BORA: variants seen among roughly 807,000 people sequenced by gnomAD.
BORA encodes the protein BORA aurora kinase A activator.
A neutral mutation model predicts 55.8 loss-of-function variants in BORA; 26 were observed. The observed-to-expected ratio is 0.47, with a 90% CI of 0.34 to 0.65. The LOEUF (loss-of-function observed/expected upper bound fraction) is 0.65. BORA is among the 30% of genes least tolerant of loss of function. The probability of loss-of-function intolerance (pLI) is 0.01; values close to 1 mark genes in which losing one functional copy is unlikely to be tolerated. For synonymous variants in BORA, 201 were observed against 216.9 expected (o/e 0.93, Z 0.64); for missense variants, 568 against 671.5 (o/e 0.85, Z 1.70).
At position 72,731,207 on chromosome 13, in the gene BORA, T is replaced by G. The variant is rs920133819; in HGVS notation, c.154-74T>G. 3 of 854,604 alleles carry G rather than the reference T, an allele frequency of 3.5e-6. No homozygotes were observed. The African/African-American group carries it at 5.2e-5, about 15-fold the overall frequency. 52.9% of individuals were successfully genotyped at this position (854,604 alleles called of 1,614,324 possible). On this transcript the variant is annotated intron_variant, in intron 2 of 11. Transcript: ENST00000390667. The stretch of plus-strand genomic sequence containing the variant: ...TTCATATTATAACCATTCATATTAT[T>G]TCTCACATAGGTTAGCATTTTGATG...
chr13:72,729,022 C>T lies in BORA; in HGVS notation c.82C>T (p.Pro28Ser), dbSNP rs142135071. ...CCCTGTTTTAAATCCTTTTGAAAGTCCTAGTGATTATTCTAATCTCCATGA... is the reference window on the plus strand; with the variant it reads ...CCCTGTTTTAAATCCTTTTGAAAGTTCTAGTGATTATTCTAATCTCCATGA... ...RIPVLNPFES[P>S]SDYSNLHEQT... The change falls in exon 2 of 12, where the codon CCT becomes TCT. Residue 28 changes from proline (P) to serine (S), a missense_variant. Pro to Ser is a moderately conservative substitution (Grantham distance 74). Coordinates refer to ENST00000390667, the MANE Select transcript of BORA (RefSeq NM_024808.5). 92 of 1,606,248 alleles carry T rather than the reference C, an allele frequency of 5.7e-5. No homozygotes were observed. In the East Asian group the frequency reaches 1.6e-3, roughly 28 times the overall value.
chr13:72,745,730 CAAT>C (rs2033126600), intron 8 of BORA, among the ~76,000 whole-genome samples: 1 of 152,134 alleles, frequency 6.6e-6, no homozygotes, highest in Non-Finnish European at 1.5e-5. Flanking sequence ...TGTTCAAATA[CAAT>C]GTGTTTATAT....
intron 5 of BORA, 63 bp from the exon 6 acceptor site, chr13:72,743,474 A>T: frequency 8.2e-7 from 1 of 1,213,772 alleles, no homozygotes; most frequent in Non-Finnish European, 1.1e-6. Context: ...ACTTTGGAAA[A>T]AGTAATGCTA....
At chr13:72,728,553 T>TA (rs895711649) in intron 1 of BORA, among the ~76,000 whole-genome samples, 2 of 152,072 alleles carry the variant, frequency 1.3e-5, no homozygotes, top group East Asian at 1.9e-4. Flanking sequence ...ATGATGAATT[T>TA]AAAAAAAATT....
rs1362412281 is a variant in BORA, at chr13:72,742,792, ACACACACAC to A, written c.389-744_389-736del. Among the ~76,000 whole-genome samples the A allele has an allele frequency of 9.4e-4, 142 of 150,472 alleles. No individual in the cohort carries two copies. In the Middle Eastern group the frequency reaches 0.017, roughly 18 times the overall value. On this transcript the variant is annotated intron_variant, in intron 5 of 11. Coordinates refer to ENST00000390667, the MANE Select transcript of BORA (RefSeq NM_024808.5). The stretch of plus-strand genomic sequence containing the variant: ...TACACACACACACACACACACACAC[ACACACACAC>A]ACACACACACAAAATGGAATACTAT...
Position 72,755,822 on chromosome 13 carries a change from C to A in BORA, c.*606C>A. 1 of 398,560 alleles carries A rather than the reference C, an allele frequency of 2.5e-6. No homozygotes were observed. Among genetic ancestry groups the A allele is most frequent in the Non-Finnish European group, 4.4e-6 (1 of 226,060 alleles). The allele number at this position is 398,560 out of a possible 1,614,324, so 24.7% of individuals were successfully genotyped here. On this transcript the variant is annotated 3_prime_UTR_variant, in exon 12 of 12. Transcript: ENST00000390667. ...AATACTAGAAAGGTAGTACTAGTGA[C>A]ATCATCACGTGTATTGTTATCTATG...
At chr13:72,746,121 A>G in intron 9 of BORA, 45 bp downstream of exon 9, 1 of 1,496,486 alleles carries the variant, frequency 6.7e-7, no homozygotes, top group Non-Finnish European at 9.2e-7. Context: ...TTATACTATC[A>G]ATATTTGTTA....
At chr13:72,753,995 C>T (rs1207777985) in intron 11 of BORA, 174 bp downstream of exon 11, 2 of 635,348 alleles carry the variant, frequency 3.1e-6, no homozygotes, top group Non-Finnish European at 5.2e-6. Context: ...TCTGAATACA[C>T]AAGTATCTTA....
intron 1 of BORA, 77 bp downstream of exon 1, chr13:72,728,084 C>T (rs1164415331): frequency 5.2e-6 from 8 of 1,536,250 alleles, no homozygotes; most frequent in African/African-American, 2.7e-5. Flanking sequence ...TCCTGACTTG[C>T]CTGCCCGCTC....
chr13:72,730,669 G>A (rs2032792014), intron 2 of BORA, among the ~76,000 whole-genome samples: 1 of 152,136 alleles, frequency 6.6e-6, no homozygotes. Context: ...TCACACTGAT[G>A]AGTGTTAATT....
intron 4 of BORA, among the ~76,000 whole-genome samples, chr13:72,737,174 T>G (rs2032947630): frequency 6.6e-6 from 1 of 152,162 alleles, no homozygotes; most frequent in African/African-American, 2.4e-5. Flanking sequence ...CTATCTCATT[T>G]GAATATACTG....
chr13:72,753,606 A>G (rs1181398581), intron 10 of BORA, 84 bp from the exon 11 acceptor site: 2 of 1,367,674 alleles, frequency 1.5e-6, no homozygotes, highest in Non-Finnish European at 2.0e-6. Context: ...GATGTAGTGA[A>G]TGAGAGTTTA....
chr13:72,729,166 A>G (rs944463689), intron 2 of BORA, 73 bp downstream of exon 2: 1 of 1,259,604 alleles, frequency 7.9e-7, no homozygotes. Flanking sequence ...AAATGTAAAC[A>G]TCTGTCTTTA....
intron 3 of BORA, among the ~76,000 whole-genome samples, 166 bp downstream of exon 3, chr13:72,731,553 A>G (rs2032817148): frequency 6.6e-6 from 1 of 152,240 alleles, no homozygotes; most frequent in South Asian, 2.1e-4. Context: ...ACATTCAGAA[A>G]GATTTTCTTG....
At chr13:72,753,394 C>CTAGG in intron 10 of BORA, 1 of 217,488 alleles carries the variant, frequency 4.6e-6, no homozygotes, top group East Asian at 1.1e-4. Flanking sequence ...TTTTTGTCTA[C>CTAGG]TAGGTACGAT....
chr13:72,738,527 G>A (rs928831893), intron 5 of BORA, among the ~76,000 whole-genome samples: 4 of 152,138 alleles, frequency 2.6e-5, no homozygotes, highest in African/African-American at 7.2e-5. Context: ...TAAAGGGCAA[G>A]CCAGTAAGCT....
At chr13:72,742,535 G>C (rs1315522274) in intron 5 of BORA, among the ~76,000 whole-genome samples, 2 of 151,634 alleles carry the variant, frequency 1.3e-5, no homozygotes, top group African/African-American at 4.9e-5. Context: ...ACCTTTTAAG[G>C]TTGACGTCAT....
Position 72,746,636 on chromosome 13 carries a change from A to C in BORA, c.1007A>C (p.Gln336Pro). 6.2e-7 allele frequency: 1 copy of C among 1,614,156 alleles called. No individual in the cohort carries two copies. The highest frequency in any genetic ancestry group is 8.5e-7 in the Non-Finnish European group (1 of 1,180,010). Reference sequence around the variant, plus strand: ...AAAAATTGGTCTCCTATGAGACTTCAGATGTATAGTGGTGGTACTCAGTAT... The same window carrying C: ...AAAAATTGGTCTCCTATGAGACTTCCGATGTATAGTGGTGGTACTCAGTAT... ...PIKNWSPMRL[Q>P]MYSGGTQYRT... The change falls in exon 10 of 12, where the codon CAG (glutamine) becomes CCG (proline). Residue 336 changes from glutamine to proline, a missense_variant. Coordinates refer to ENST00000390667, the MANE Select transcript of BORA (RefSeq NM_024808.5).
At chr13:72,747,821 C>T (rs990927694) in intron 10 of BORA, among the ~76,000 whole-genome samples, 1 of 152,172 alleles carries the variant, frequency 6.6e-6, no homozygotes, top group African/African-American at 2.4e-5. Flanking sequence ...GCATGAGCCA[C>T]CGCGCCTGGC....
Sources: allele counts gnomAD v4.1 joint callset (sites outside exome capture counted in the v4.1 genomes callset), GRCh38; gene constraint gnomAD v4.1.1; transcripts MANE v1.5; gene names NCBI Gene and HGNC (gene_info 2026-07-23, HGNC 2026-07-21).